Variants in TMEM67 observed in about 807,000 individuals in gnomAD.
TMEM67 encodes transmembrane protein 67.
Under a neutral mutation model 136.6 loss-of-function variants are expected in TMEM67, and 124 were observed. The observed-to-expected ratio is 0.91, with a 90% confidence interval of 0.78 to 1.05. The LOEUF (loss-of-function observed/expected upper bound fraction) is 1.05. Among genes scored for constraint, TMEM67 ranks in the 50% least tolerant of loss-of-function variants. The pLI, the probability that TMEM67 is intolerant of heterozygous loss-of-function variation, is 0.00. For missense variants in TMEM67, 1,107 were observed against 1,178.4 expected, an observed-to-expected ratio of 0.94 and a Z score of 0.89; for synonymous variants, 364 against 390.5, an observed-to-expected ratio of 0.93 and a Z score of 0.80.
intron 21 of TMEM67, among the ~76,000 whole-genome samples, chr8:93,801,576 GT>G (rs1814873759): frequency 1.3e-5 from 2 of 151,852 alleles, no homozygotes; most frequent in Admixed American, 6.6e-5. Flanking sequence ...TAATTTTTGT[GT>G]TTTTAGTAGA....
In TMEM67 at chr8:93,795,438, T is replaced by C; in HGVS notation, c.1704T>C (p.Ala568=). 1 of 1,614,144 alleles carries C rather than the reference T, an allele frequency of 6.2e-7. No homozygotes were observed. Among genetic ancestry groups the C allele is most frequent in the Non-Finnish European group, 8.5e-7 (1 of 1,180,006 alleles). ...QTVVKFLVYY[A]GDLANVFFII... ...TTGTGAAATTCTTGGTGTACTATGC[T>C]GGTGATCTGGCCAATGTTTTCTTTA... Residue 568 remains alanine (A), a synonymous_variant, in exon 17 of 28, where the codon GCT becomes GCC. Transcript: ENST00000453321.
downstream of TMEM67, among the ~76,000 whole-genome samples, chr8:93,823,203 T>C (rs978160085): frequency 6.6e-6 from 1 of 152,228 alleles, no homozygotes; most frequent in Non-Finnish European, 1.5e-5. Context: ...GAAATCAACT[T>C]GTCAGCCTGG....
At chr8:93,767,265 T>A (rs1177375729) in intron 6 of TMEM67, among the ~76,000 whole-genome samples, 5 of 152,218 alleles carry the variant, frequency 3.3e-5, no homozygotes, top group African/African-American at 1.2e-4. Flanking sequence ...CTGCATCACA[T>A]CCAGGGGCAC....
chr8:93,803,328 C>G (rs536973061), intron 21 of TMEM67, among the ~76,000 whole-genome samples: 209 of 152,248 alleles, frequency 1.4e-3, no homozygotes, highest in Non-Finnish European at 2.5e-3. Context: ...AAGACTTTTT[C>G]TTTCTTCCCA....
At chr8:93,826,640 C>G in the TMEM67 span, among the ~76,000 whole-genome samples, 2 of 152,092 alleles carry the variant, frequency 1.3e-5, no homozygotes, top group Non-Finnish European at 2.9e-5. Context: ...ATTACACTTT[C>G]TAGGCTTCTG....
chr8:93,795,631 TC>T, intron 17 of TMEM67, 124 bp downstream of exon 17: 1 of 818,636 alleles, frequency 1.2e-6, no homozygotes, highest in Non-Finnish European at 2.1e-6. Flanking sequence ...AGTTCCCAAC[TC>T]CCCATTCCTT....
intron 21 of TMEM67, among the ~76,000 whole-genome samples, chr8:93,801,474 T>A (rs969108675): frequency 5.9e-5 from 9 of 151,356 alleles, no homozygotes; most frequent in African/African-American, 2.2e-4. Flanking sequence ...TGATCTCAGC[T>A]CACTGTAACC....
At position 93,782,558 on chromosome 8, in the gene TMEM67, T is replaced by C. The variant is rs1176178932; in HGVS notation, c.1131+98T>C. ...ATACTTAAATTTTTGAGATTGGAAA[T>C]TTTTTATTCTTGGTTTTTTTTTTTT... On this transcript the variant is annotated intron_variant, in intron 11 of 27. Transcript: ENST00000453321. 4.3e-6 allele frequency: 4 copies of C among 934,312 alleles called. No homozygotes were observed. In the East Asian group the frequency reaches 1.1e-4, roughly 25 times the overall value. 57.9% of individuals were successfully genotyped at this position (934,312 alleles called of 1,614,324 possible).
Position 93,782,473 on chromosome 8 carries a change from G to T in TMEM67, c.1131+13G>T. ...CTACCAACAAAATGTAAGTTTGAAC[G>T]ATATTAGTCTATATTTTAGCTTTAT... is the stretch of plus-strand genomic sequence containing the variant. On this transcript the variant is annotated intron_variant, in intron 11 of 27. Coordinates refer to ENST00000453321, the MANE Select transcript of TMEM67 (RefSeq NM_153704.6). 1.3e-6 allele frequency: 2 copies of T among 1,593,722 alleles called. No individual in the cohort carries two copies. The highest frequency in any genetic ancestry group is 2.2e-5 in the South Asian group (2 of 90,474).
chr8:93,789,288 A>G (rs1179184528), intron 14 of TMEM67, among the ~76,000 whole-genome samples: 1 of 152,180 alleles, frequency 6.6e-6, no homozygotes, highest in Non-Finnish European at 1.5e-5. Flanking sequence ...CCTCATTTGT[A>G]TTACCTAATC....
intron 7 of TMEM67, among the ~76,000 whole-genome samples, chr8:93,778,265 T>A (rs1813650005): frequency 6.6e-6 from 1 of 152,200 alleles, no homozygotes; most frequent in South Asian, 2.1e-4. Flanking sequence ...GTGAGATGGG[T>A]CTCCTGAATA....
intron 6 of TMEM67, among the ~76,000 whole-genome samples, chr8:93,767,863 C>CTTTTTTTTTTTT: frequency 9.1e-6 from 1 of 109,916 alleles, no homozygotes; most frequent in Non-Finnish European, 1.8e-5. Context: ...TTTCTTTTTT[C>CTTTTTTTTTTTT]TTTTTTTTTT....
intron 4 of TMEM67, 82 bp from the exon 5 acceptor site, chr8:93,765,324 C>A: frequency 9.3e-7 from 1 of 1,075,580 alleles, no homozygotes; most frequent in Non-Finnish European, 1.4e-6. Flanking sequence ...TACTCTAATC[C>A]ATTGTTTAGA....
chr8:93,763,989 G>A lies in TMEM67; in HGVS notation c.506+48G>A, dbSNP rs73694924. The stretch of plus-strand genomic sequence containing the variant: ...ACTTCATTAATATCATCTTATATTA[G>A]TGTATAATTTGTACTTTTAAGAGTG... On this transcript the variant is annotated intron_variant, in intron 4 of 27. Transcript: ENST00000453321. The A allele has an allele frequency of 3.6e-3, 4,238 of 1,170,268 alleles. 110 individuals are homozygous for A. In the African/African-American group the frequency reaches 0.054, roughly 15 times the overall value. The allele number at this position is 1,170,268 out of a possible 1,614,324, so 72.5% of individuals were successfully genotyped here.
intron 21 of TMEM67, among the ~76,000 whole-genome samples, chr8:93,800,664 A>T (rs773190802): frequency 3.7e-4 from 57 of 152,296 alleles, no homozygotes; most frequent in Non-Finnish European, 7.4e-4. Context: ...GTGACTAGTA[A>T]CTGACAGAAC....
chr8:93,772,356 A>G (rs1813363471), intron 6 of TMEM67, among the ~76,000 whole-genome samples: 1 of 152,074 alleles, frequency 6.6e-6, no homozygotes, highest in South Asian at 2.1e-4. Context: ...GGCATGTAGT[A>G]TTTTTTGATT....
At position 93,817,599 on chromosome 8, in the gene TMEM67, T is replaced by C. The variant is rs1256151534; in HGVS notation, c.*1147T>C. ...TCTATGTTAATGCTGTGTAAATACT[T>C]AAAATGGAATACTGTATAAATATTA... is the stretch of plus-strand genomic sequence containing the variant. On this transcript the variant is annotated 3_prime_UTR_variant, in exon 28 of 28. Coordinates refer to ENST00000453321, the MANE Select transcript of TMEM67 (RefSeq NM_153704.6). 6.6e-6 allele frequency: 1 copy of C among 152,202 alleles called. No homozygotes were observed. Among genetic ancestry groups the C allele is most frequent in the Non-Finnish European group, 1.5e-5 (1 of 68,034 alleles). The allele number at this position is 152,202 out of a possible 1,614,324, so 9.4% of individuals were successfully genotyped here. A position where few individuals can be genotyped will look rare whatever the true frequency, so the allele number is the denominator to read the frequency against.
intron 14 of TMEM67, among the ~76,000 whole-genome samples, chr8:93,789,765 T>C (rs1222914655): frequency 6.6e-6 from 1 of 150,750 alleles, no homozygotes; most frequent in Admixed American, 6.6e-5. Flanking sequence ...AATTGAAAAA[T>C]AACAAATAGA....
At position 93,776,260 on chromosome 8, in the gene TMEM67, A is replaced by G. The variant is rs191279560; in HGVS notation, c.714+3609A>G. ...CTTAAGGAGATTTGGGGCTGAGACA[A>G]TGGGGTTTTCTAAATATGCAATCAT... On this transcript the variant is annotated intron_variant, in intron 7 of 27. Transcript: ENST00000453321. Among the ~76,000 whole-genome samples, 659 of 152,306 alleles carry G rather than the reference A, an allele frequency of 4.3e-3. 7 individuals are homozygous for G. The highest frequency in any genetic ancestry group is 4.2e-3 in the Non-Finnish European group (287 of 68,028).
Sources: gnomAD v4.1 joint callset for allele counts (sites outside exome capture counted in the v4.1 genomes callset) on GRCh38, gnomAD v4.1.1 for gene constraint, MANE v1.5 for transcripts, NCBI Gene and HGNC (gene_info 2026-07-23, HGNC 2026-07-21) for gene names.